WDR36: variants seen among roughly 807,000 people sequenced by gnomAD.
The protein encoded by WDR36 is WD repeat-containing protein 36.
A neutral mutation model predicts 112.7 loss-of-function variants in WDR36; 63 were observed. The observed-to-expected ratio is 0.56, with a 90% CI of 0.46 to 0.69. WDR36 has a LOEUF of 0.69. Among genes scored for constraint, WDR36 ranks in the 30% least tolerant of loss-of-function variants. WDR36 has a pLI of 0.00. For missense variants in WDR36, 1,226 were observed against 1,070.3 expected, an observed-to-expected ratio of 1.15 and a Z score of -2.03; for synonymous variants, 410 against 362.2, an observed-to-expected ratio of 1.13 and a Z score of -1.50.
chr5:111,113,052 A>ATATATATATT (rs35527062), intron 15 of WDR36, 22 bp from the exon 16 acceptor site: 9 of 473,638 alleles, frequency 1.9e-5, no homozygotes, highest in African/African-American at 1.8e-4. Context: ...ATATATATAT[A>ATATATATATT]TTTTTTTTTT....
intron 1 of WDR36, among the ~76,000 whole-genome samples, chr5:111,093,187 A>G (rs538035868): frequency 1.1e-4 from 16 of 152,206 alleles, no homozygotes; most frequent in Non-Finnish European, 8.8e-5. Flanking sequence ...TAGCACCTTT[A>G]TATAATCTAT....
chr5:111,105,982 T>C (rs1453864557), intron 10 of WDR36, 75 bp from the exon 11 acceptor site: 2 of 1,163,738 alleles, frequency 1.7e-6, no homozygotes, highest in South Asian at 1.2e-5. Context: ...ACAAGACTGA[T>C]AGCTTTTCTT....
Position 111,120,985 on chromosome 5 carries a change from A to T in WDR36, c.2003-11A>T, listed in dbSNP as rs1207371994. 9.9e-6 allele frequency: 16 copies of T among 1,609,602 alleles called. No individual in the cohort carries two copies. Among genetic ancestry groups the T allele is most frequent in the Middle Eastern group, 1.7e-4 (1 of 6,022 alleles). ...AAAAATCTTTTGTTTTACCTGAAAAATTTTTTTAAGATGTAGAAGTATCAG... is the reference window on the plus strand; with the variant it reads ...AAAAATCTTTTGTTTTACCTGAAAATTTTTTTTAAGATGTAGAAGTATCAG... On this transcript the variant is annotated splice_polypyrimidine_tract_variant and intron_variant, in intron 18 of 22. Transcript: ENST00000513710.
intron 16 of WDR36, among the ~76,000 whole-genome samples, chr5:111,117,210 A>T (rs933187276): frequency 6.6e-6 from 1 of 152,224 alleles, no homozygotes; most frequent in African/African-American, 2.4e-5. Flanking sequence ...ATAATGGACA[A>T]TTAAACAGCA....
rs781211533 is a variant in WDR36 at position 111,097,091 on chromosome 5, C to T, written c.203C>T (p.Pro68Leu). 2 of 1,612,646 alleles carry T rather than the reference C, an allele frequency of 1.2e-6. No individual in the cohort carries two copies. Among genetic ancestry groups the T allele is most frequent in the South Asian group, 2.2e-5 (2 of 91,042 alleles). ...TATTTTCTGCTAGGTAATTCTGTTC[C>T]ACAGGATATCTGCTGTATGGCAGCT... ...LSLVAVSNSV[P>L]QDICCMAADG... Residue 68 changes from proline (P) to leucine (L), a missense_variant, in exon 3 of 23, where the codon CCA (proline) becomes CTA (leucine). Pro to Leu is a moderately conservative substitution (Grantham distance 98, BLOSUM62 -3). Transcript: ENST00000513710.
At chr5:111,120,914 T>C (rs952637343) in intron 18 of WDR36, 82 bp from the exon 19 acceptor site, 3 of 1,221,984 alleles carry the variant, frequency 2.5e-6, no homozygotes, top group Admixed American at 3.6e-5. Flanking sequence ...GAACATGTTA[T>C]GAAATACAGA....
At chr5:111,122,257 A>G (rs755093188) in intron 19 of WDR36, among the ~76,000 whole-genome samples, 3 of 152,180 alleles carry the variant, frequency 2.0e-5, no homozygotes, top group Non-Finnish European at 4.4e-5. Flanking sequence ...GAGGGGAGCA[A>G]TCAGAATAAT....
At chr5:111,126,616 C>T in intron 22 of WDR36, 118 bp from the exon 23 acceptor site, 1 of 1,184,490 alleles carries the variant, frequency 8.4e-7, no homozygotes, top group East Asian at 2.5e-5. Context: ...TAAACCAGCG[C>T]TTAAGAAAAC....
chr5:111,125,491 C>A, intron 21 of WDR36, 117 bp from the exon 22 acceptor site: 1 of 1,078,570 alleles, frequency 9.3e-7, no homozygotes, highest in Non-Finnish European at 1.3e-6. Context: ...AATTAACCCA[C>A]AGGAAGAATT....
Position 111,100,701 on chromosome 5 carries a change from G to C in WDR36, c.522G>C (p.Gln174His), listed in dbSNP as rs752753274. 1.2e-6 allele frequency: 2 copies of C among 1,608,870 alleles called. No homozygotes were observed. Among genetic ancestry groups the C allele is most frequent in the African/African-American group, 1.3e-5 (1 of 74,776 alleles). Residue 174 changes from glutamine to histidine, a missense_variant, in exon 5 of 23, where the codon CAG becomes CAC. By Grantham distance (24) the Gln-to-His change is conservative (BLOSUM62 0). Coordinates refer to ENST00000513710, the MANE Select transcript of WDR36 (RefSeq NM_139281.3). ...ILLGSEQGSL[Q>H]LWNVKSNKLL... ...TGGGCAGTGAACAAGGAAGCCTGCA[G>C]TTGTGGAATGTAAAATCCAAGTAAG...
At chr5:111,111,529 A>G in intron 15 of WDR36, 1 of 410,768 alleles carries the variant, frequency 2.4e-6, no homozygotes, top group African/African-American at 2.0e-5. Context: ...GCCAAAGTAT[A>G]CTTTAGAGAA....
chr5:111,113,050 ATATT>A lies in WDR36; in HGVS notation c.1717-22_1717-19del, dbSNP rs755304198. ...ATATATAAATAATATATATATATAT[ATATT>A]TTTTTTTTTTAATTTAAAGGCTTTT... On this transcript the variant is annotated intron_variant, in intron 15 of 22. Coordinates refer to ENST00000513710, the MANE Select transcript of WDR36 (RefSeq NM_139281.3). 1,612 of 459,972 alleles carry A rather than the reference ATATT, an allele frequency of 3.5e-3. 2 individuals are homozygous for A. The highest frequency in any genetic ancestry group is 4.0e-3 in the Non-Finnish European group (1,293 of 321,452). 28.5% of individuals were successfully genotyped at this position (459,972 alleles called of 1,614,324 possible).
At chr5:111,120,429 G>T in intron 17 of WDR36, 67 bp from the exon 18 acceptor site, 1 of 1,224,386 alleles carries the variant, frequency 8.2e-7, no homozygotes, top group South Asian at 1.2e-5. Flanking sequence ...ATTCAAGATT[G>T]TAGAGTGTTT....
Position 111,106,073 on chromosome 5 carries a change from G to A in WDR36, c.1110G>A (p.Lys370=). The A allele has an allele frequency of 6.2e-7, 1 of 1,609,346 alleles. No individual in the cohort carries two copies. The highest frequency in any genetic ancestry group is 1.3e-5 in the African/African-American group (1 of 74,752). ...KSLGHGLINK[K]RVKRKGLQNT... ...CATCCTTAGGATTAATAAATAAAAAGAGAGTTAAACGTAAAGGACTTCAGA... is the reference window on the plus strand; with the variant it reads ...CATCCTTAGGATTAATAAATAAAAAAAGAGTTAAACGTAAAGGACTTCAGA... Residue 370 remains lysine (K), a synonymous_variant, in exon 11 of 23, where the codon AAG becomes AAA. Coordinates refer to ENST00000513710, the MANE Select transcript of WDR36 (RefSeq NM_139281.3).
intron 2 of WDR36, among the ~76,000 whole-genome samples, chr5:111,095,687 A>G (rs1409821957): frequency 2.0e-5 from 3 of 152,214 alleles, no homozygotes; most frequent in Non-Finnish European, 2.9e-5. Context: ...GGTTATACAT[A>G]TAGTCCAAAA....
At chr5:111,124,984 G>A (rs1223120026) in intron 21 of WDR36, among the ~76,000 whole-genome samples, 2 of 152,176 alleles carry the variant, frequency 1.3e-5, no homozygotes, top group African/African-American at 4.8e-5. Context: ...CATAGTCATT[G>A]CAGTTCTCAA....
chr5:111,097,396 A>G (rs1486998043), intron 3 of WDR36, among the ~76,000 whole-genome samples: 1 of 152,196 alleles, frequency 6.6e-6, no homozygotes, highest in Non-Finnish European at 1.5e-5. Context: ...AGAGATGAAT[A>G]TCAAAATTAC....
At chr5:111,108,191 A>C (rs1753257091) in intron 12 of WDR36, among the ~76,000 whole-genome samples, 1 of 150,470 alleles carries the variant, frequency 6.6e-6, no homozygotes, top group African/African-American at 2.4e-5. Context: ...CTTTGGGTAC[A>C]TTTTTCCTAG....
intron 21 of WDR36, among the ~76,000 whole-genome samples, chr5:111,125,379 A>G (rs912241725): frequency 3.9e-5 from 6 of 152,174 alleles, no homozygotes; most frequent in African/African-American, 1.4e-4. Context: ...GGTTTAAATT[A>G]CAGAAAAAAA....
Sources: gnomAD v4.1 joint callset for allele counts (sites outside exome capture counted in the v4.1 genomes callset) on GRCh38, gnomAD v4.1.1 for gene constraint, MANE v1.5 for transcripts, NCBI Gene and HGNC (gene_info 2026-07-23, HGNC 2026-07-21) for gene names.